The following EXOC4 variants were observed in gnomAD, a reference collection of about 807,000 sequenced individuals.
EXOC4 encodes the protein SEC8-like 1.
A neutral mutation model predicts 107.2 loss-of-function variants in EXOC4; 71 were observed. The ratio of observed to expected loss-of-function variants is 0.66; its 90% confidence interval spans 0.55 to 0.81. The LOEUF (loss-of-function observed/expected upper bound fraction) is 0.81, where lower values mean the gene tolerates loss of function less well. Ranked by LOEUF, EXOC4 falls within the 30% of genes least tolerant of loss-of-function variation. EXOC4 has a pLI of 0.00. For synonymous variants in EXOC4, 456 were observed against 441.2 expected (o/e 1.03, Z -0.42); for missense variants, 1,108 against 1,189.6 (o/e 0.93, Z 1.01).
chr7:133,740,798 G>A (rs1314846608), intron 10 of EXOC4, among the ~76,000 whole-genome samples: 1 of 152,090 alleles, frequency 6.6e-6, no homozygotes, highest in East Asian at 1.9e-4. Flanking sequence ...AGGAATGATG[G>A]CCCCATTAGA....
chr7:133,746,632 T>A (rs1466807864), intron 10 of EXOC4, among the ~76,000 whole-genome samples: 1 of 152,190 alleles, frequency 6.6e-6, no homozygotes, highest in Non-Finnish European at 1.5e-5. Flanking sequence ...GTTGTTGAGG[T>A]TCATAAGGTT....
the EXOC4 span, among the ~76,000 whole-genome samples, chr7:134,091,982 A>T: frequency 6.6e-6 from 1 of 152,236 alleles, no homozygotes; most frequent in East Asian, 1.9e-4. Context: ...CATCCCCAAT[A>T]TATCTCTTTA....
intron 10 of EXOC4, among the ~76,000 whole-genome samples, chr7:133,761,030 G>A (rs1435633355): frequency 1.3e-5 from 2 of 152,126 alleles, no homozygotes; most frequent in African/African-American, 2.4e-5. Context: ...AAATTATCAT[G>A]TGTTCAGCCT....
chr7:133,964,189 T>C (rs1371346235), intron 14 of EXOC4, among the ~76,000 whole-genome samples: 1 of 152,060 alleles, frequency 6.6e-6, no homozygotes. Context: ...CTTAGAAAAA[T>C]CAGCAAAAGA....
At chr7:133,894,062 A>T (rs1799247252) in intron 11 of EXOC4, among the ~76,000 whole-genome samples, 1 of 92,118 alleles carries the variant, frequency 1.1e-5, no homozygotes. Context: ...ACTTTCAGGT[A>T]CACCAATCAG....
intron 9 of EXOC4, among the ~76,000 whole-genome samples, chr7:133,597,923 G>T (rs1193500323): frequency 6.6e-6 from 1 of 151,940 alleles, no homozygotes; most frequent in Non-Finnish European, 1.5e-5. Context: ...GGAGGCTGAG[G>T]CAGGAGAATT....
chr7:133,824,396 G>A (rs1367162825), intron 11 of EXOC4, among the ~76,000 whole-genome samples: 1 of 152,010 alleles, frequency 6.6e-6, no homozygotes, highest in Non-Finnish European at 1.5e-5. Flanking sequence ...CGCACCTTCT[G>A]TTCTTTCTAC....
intron 7 of EXOC4, among the ~76,000 whole-genome samples, chr7:133,435,678 A>G (rs529981381): frequency 6.6e-6 from 1 of 152,298 alleles, no homozygotes; most frequent in Admixed American, 6.5e-5. Flanking sequence ...AATGATACCT[A>G]AAACACCTTT....
intron 6 of EXOC4, 44 bp from the exon 7 acceptor site, chr7:133,374,784 C>T (rs571542402): frequency 7.9e-6 from 12 of 1,518,166 alleles, no homozygotes; most frequent in Admixed American, 1.7e-5. Flanking sequence ...CATTTATCTG[C>T]GTGTACGTAT....
At chr7:133,361,777 G>T (rs1796142199) in intron 6 of EXOC4, among the ~76,000 whole-genome samples, 1 of 152,130 alleles carries the variant, frequency 6.6e-6, no homozygotes, top group African/African-American at 2.4e-5. Flanking sequence ...TGATATCTGG[G>T]TTATATATGG....
chr7:133,316,103 C>G (rs549197944), intron 4 of EXOC4, among the ~76,000 whole-genome samples: 1 of 152,288 alleles, frequency 6.6e-6, no homozygotes, highest in South Asian at 2.1e-4. Context: ...CCCGAATTAT[C>G]ACTTAACAAA....
intron 10 of EXOC4, among the ~76,000 whole-genome samples, chr7:133,754,002 T>C (rs1442575741): frequency 6.6e-6 from 1 of 152,238 alleles, no homozygotes. Context: ...TTCACATCTT[T>C]GATGCCCACA....
At chr7:133,339,439 T>C (rs1795607842) in intron 5 of EXOC4, among the ~76,000 whole-genome samples, 1 of 152,234 alleles carries the variant, frequency 6.6e-6, no homozygotes, top group Non-Finnish European at 1.5e-5. Context: ...AATCAGGTAA[T>C]GTAATGCCTC....
At chr7:133,602,713 G>T (rs1295134573) in intron 9 of EXOC4, among the ~76,000 whole-genome samples, 1 of 152,236 alleles carries the variant, frequency 6.6e-6, no homozygotes, top group Non-Finnish European at 1.5e-5. Flanking sequence ...TGAGGAACAT[G>T]ATATGGCAGG....
chr7:133,773,974 C>T (rs918258478), intron 10 of EXOC4, among the ~76,000 whole-genome samples: 3 of 152,084 alleles, frequency 2.0e-5, no homozygotes, highest in Non-Finnish European at 4.4e-5. Context: ...TTTCTTACAT[C>T]TGGTTTCCTC....
intron 7 of EXOC4, among the ~76,000 whole-genome samples, chr7:133,467,992 C>G (rs1422679133): frequency 6.6e-6 from 1 of 151,778 alleles, no homozygotes; most frequent in African/African-American, 2.4e-5. Context: ...TTTTTGAGTC[C>G]TGGTTTTATA....
Position 133,762,839 on chromosome 7 carries a change from A to G in EXOC4, c.1515-54486A>G, listed in dbSNP as rs536507129. ...GTGTAAAAAGCTGTAAACATAGAAA[A>G]GAACAAGAAAATACACCAAGACATT... On this transcript the variant is annotated intron_variant, in intron 10 of 17. Transcript: ENST00000253861. Among the ~76,000 whole-genome samples, 17 of 152,286 alleles carry G rather than the reference A, an allele frequency of 1.1e-4. 1 individual carries two copies. In the East Asian group the frequency reaches 3.1e-3, roughly 28 times the overall value.
chr7:133,463,738 T>C (rs1798648999), intron 7 of EXOC4, among the ~76,000 whole-genome samples: 1 of 152,104 alleles, frequency 6.6e-6, no homozygotes, highest in African/African-American at 2.4e-5. Context: ...GTTTAGAGAA[T>C]GAGTATTAGC....
chr7:134,057,420 AACTG>A (rs761683864), intron 17 of EXOC4, among the ~76,000 whole-genome samples: 7 of 94,868 alleles, frequency 7.4e-5, no homozygotes, highest in Non-Finnish European at 1.2e-4. Flanking sequence ...TTGTGCCACT[AACTG>A]TCTGAAAATT....
Sources: gnomAD v4.1 joint callset for allele counts (sites outside exome capture counted in the v4.1 genomes callset) on GRCh38, gnomAD v4.1.1 for gene constraint, MANE v1.5 for transcripts, NCBI Gene and HGNC (gene_info 2026-07-23, HGNC 2026-07-21) for gene names.